Variants in VWC2L observed in about 807,000 individuals in gnomAD.
VWC2L encodes von Willebrand factor C domain-containing protein 2-like.
A neutral mutation model predicts 21.6 loss-of-function variants in VWC2L; 10 were observed. That is an observed-to-expected ratio of 0.46 (90% CI 0.29 to 0.78). The LOEUF (loss-of-function observed/expected upper bound fraction) is 0.78. VWC2L is among the 30% of genes least tolerant of loss of function. The pLI, the probability that VWC2L is intolerant of heterozygous loss-of-function variation, is 0.10. For synonymous variants in VWC2L, 96 were observed against 94.3 expected, an observed-to-expected ratio of 1.02 and a Z score of -0.10; for missense variants, 209 against 277.1, an observed-to-expected ratio of 0.75 and a Z score of 1.74.
rs143536534 is a variant in VWC2L, at chr2:214,499,309, C to T, written c.520+62551C>T. On this transcript the variant is annotated intron_variant, in intron 3 of 3. Transcript: ENST00000312504. ...CTGGGATTACAGGCATGAGCCACTG[C>T]GCCCAGCCATACCACTCTGTTTCTT... is the stretch of plus-strand genomic sequence containing the variant. Among the ~76,000 whole-genome samples the T allele has an allele frequency of 6.6e-3, 1,002 of 152,130 alleles. 9 individuals are homozygous for T. In the Middle Eastern group the frequency reaches 0.082, roughly 12 times the overall value.
intron 3 of VWC2L, among the ~76,000 whole-genome samples, chr2:214,509,291 T>C (rs1689016861): frequency 6.6e-6 from 1 of 152,238 alleles, no homozygotes; most frequent in African/African-American, 2.4e-5. Flanking sequence ...AATAGTAATA[T>C]AAGGCTATTT....
At chr2:214,525,740 C>G (rs2105913502) in intron 3 of VWC2L, among the ~76,000 whole-genome samples, 1 of 152,244 alleles carries the variant, frequency 6.6e-6, no homozygotes, top group Middle Eastern at 3.4e-3. Context: ...GGTTAATAGT[C>G]AATGATTGTT....
chr2:214,470,714 G>A (rs1045028277), intron 3 of VWC2L, among the ~76,000 whole-genome samples: 18 of 151,816 alleles, frequency 1.2e-4, no homozygotes, highest in African/African-American at 4.4e-4. Context: ...TCCGAGACCT[G>A]CCTGGCCAAT....
At chr2:214,552,280 G>A (rs1689806496) in intron 3 of VWC2L, among the ~76,000 whole-genome samples, 2 of 152,204 alleles carry the variant, frequency 1.3e-5, no homozygotes, top group Admixed American at 1.3e-4. Flanking sequence ...GAAGTTGACT[G>A]AATGAATAAA....
chr2:214,561,225 C>T (rs535418720), intron 3 of VWC2L, among the ~76,000 whole-genome samples: 9 of 152,136 alleles, frequency 5.9e-5, no homozygotes, highest in Non-Finnish European at 1.0e-4. Context: ...CCCACTGATA[C>T]GGATGCAGTT....
At chr2:214,530,789 C>G (rs1004818573) in intron 3 of VWC2L, among the ~76,000 whole-genome samples, 7 of 152,112 alleles carry the variant, frequency 4.6e-5, no homozygotes, top group African/African-American at 1.7e-4. Context: ...AAAATTTATG[C>G]CCACTCATAA....
At chr2:214,459,627 C>G (rs1207225558) in intron 3 of VWC2L, among the ~76,000 whole-genome samples, 1 of 152,116 alleles carries the variant, frequency 6.6e-6, no homozygotes. Context: ...CTCTAGGACT[C>G]TCTTAAGCAT....
chr2:214,511,049 G>A (rs555664515), intron 3 of VWC2L, among the ~76,000 whole-genome samples: 47 of 152,254 alleles, frequency 3.1e-4, no homozygotes, highest in East Asian at 7.7e-4. Flanking sequence ...TACTTTGGGA[G>A]GCCAAGGCGG....
chr2:214,550,654 A>G (rs1447927055), intron 3 of VWC2L, among the ~76,000 whole-genome samples: 1 of 152,116 alleles, frequency 6.6e-6, no homozygotes, highest in East Asian at 1.9e-4. Flanking sequence ...AAATCCTACA[A>G]TGTACTAAAC....
At chr2:214,561,478 T>G (rs554565160) in intron 3 of VWC2L, among the ~76,000 whole-genome samples, 1 of 152,254 alleles carries the variant, frequency 6.6e-6, no homozygotes, top group African/African-American at 2.4e-5. Flanking sequence ...AAAAAATTAA[T>G]TTTAAGAACA....
At chr2:214,443,717 T>G (rs1373327100) in intron 3 of VWC2L, among the ~76,000 whole-genome samples, 1 of 152,032 alleles carries the variant, frequency 6.6e-6, no homozygotes, top group Non-Finnish European at 1.5e-5. Context: ...AAGGCCGGAG[T>G]TATGTTTGGT....
At chr2:214,514,930 T>C (rs1391669569) in intron 3 of VWC2L, among the ~76,000 whole-genome samples, 1 of 152,258 alleles carries the variant, frequency 6.6e-6, no homozygotes, top group African/African-American at 2.4e-5. Context: ...TGCAGTTACA[T>C]ACATCATCTA....
intron 3 of VWC2L, among the ~76,000 whole-genome samples, chr2:214,558,801 A>T (rs1394784990): frequency 3.3e-5 from 5 of 149,480 alleles, no homozygotes; most frequent in Admixed American, 3.3e-4. Flanking sequence ...TACAAGTACC[A>T]ACTATAGTTT....
At chr2:214,508,884 A>G (rs549483400) in intron 3 of VWC2L, among the ~76,000 whole-genome samples, 12 of 152,270 alleles carry the variant, frequency 7.9e-5, no homozygotes, top group African/African-American at 2.9e-4. Context: ...TCCCTAAAAG[A>G]GTTCGATTCC....
At chr2:214,459,392 T>A (rs2126187880) in intron 3 of VWC2L, among the ~76,000 whole-genome samples, 1 of 152,346 alleles carries the variant, frequency 6.6e-6, no homozygotes, top group South Asian at 2.1e-4. Flanking sequence ...ATTTAATCTA[T>A]TTACATTCAA....
At chr2:214,535,641 G>A (rs570797958) in intron 3 of VWC2L, among the ~76,000 whole-genome samples, 4 of 152,134 alleles carry the variant, frequency 2.6e-5, no homozygotes, top group South Asian at 2.1e-4. Flanking sequence ...TTAAAGCTGC[G>A]TAAGTCATCC....
intron 3 of VWC2L, among the ~76,000 whole-genome samples, chr2:214,508,358 A>C (rs1344178807): frequency 1.3e-5 from 2 of 152,178 alleles, no homozygotes; most frequent in Non-Finnish European, 2.9e-5. Context: ...CCATTTGGTA[A>C]GATGAAGATG....
chr2:214,430,774 C>T (rs1479084476), intron 2 of VWC2L, among the ~76,000 whole-genome samples: 1 of 152,284 alleles, frequency 6.6e-6, no homozygotes, highest in South Asian at 2.1e-4. Context: ...ACTCGTAATG[C>T]AGATAATAAT....
chr2:214,540,424 T>A (rs1182804149), intron 3 of VWC2L, among the ~76,000 whole-genome samples: 1 of 152,178 alleles, frequency 6.6e-6, no homozygotes, highest in Non-Finnish European at 1.5e-5. Context: ...GGAAATATGA[T>A]GCCCATGCCC....
Sources: allele counts gnomAD v4.1 joint callset (sites outside exome capture counted in the v4.1 genomes callset), GRCh38; gene constraint gnomAD v4.1.1; transcripts MANE v1.5; gene names NCBI Gene and HGNC (gene_info 2026-07-23, HGNC 2026-07-21).